PTGDR: variants seen among roughly 807,000 people sequenced by gnomAD.
PTGDR encodes the protein PGD2 receptor.
PTGDR carries 19 observed loss-of-function variants against 17.4 expected under a neutral mutation model. The observed-to-expected ratio is 1.09, with a 90% CI of 0.76 to 1.60. PTGDR has a LOEUF of 1.60. Ranked by LOEUF, PTGDR falls within the 40% of genes most tolerant of loss-of-function variation. The pLI is 0.00. For missense variants in PTGDR, 526 were observed against 481.9 expected (o/e 1.09, Z -0.86); for synonymous variants, 267 against 224.2 (o/e 1.19, Z -1.71).
Position 52,267,755 on chromosome 14 carries a change from CG to C in PTGDR, c.-57del. 2 of 1,488,770 alleles carry C rather than the reference CG, an allele frequency of 1.3e-6. No homozygotes were observed. Among genetic ancestry groups the C allele is most frequent in the Non-Finnish European group, 8.9e-7 (1 of 1,123,222 alleles). The allele number at this position is 1,488,770 out of a possible 1,614,324, so 92.2% of individuals were successfully genotyped here. On this transcript the variant is annotated 5_prime_UTR_variant, in exon 1 of 2. Coordinates refer to ENST00000306051, the MANE Select transcript of PTGDR (RefSeq NM_000953.3). ...GAGCTGCCGGGGGCTCCTTAGCACC[CG>C]GGCGCCGGGGCCCTCGCCCTTCCGC... is the stretch of plus-strand genomic sequence containing the variant.
downstream of PTGDR, among the ~76,000 whole-genome samples, chr14:52,277,011 T>C (rs1437561): frequency 0.56 from 84,647 of 152,010 alleles, 24,241 homozygotes; most frequent in Middle Eastern, 0.73. Flanking sequence ...GGATGAAGTC[T>C]GTGTTGAGTT....
At chr14:52,277,857 CAAAA>C (rs549271970), downstream of PTGDR, among the ~76,000 whole-genome samples, 2 of 151,718 alleles carry the variant, frequency 1.3e-5, no homozygotes, top group East Asian at 3.9e-4. Context: ...CTACACAAAA[CAAAA>C]AAAGAAAAGA....
At chr14:52,269,349 G>C (rs2033281647) in intron 1 of PTGDR, 2 of 965,024 alleles carry the variant, frequency 2.1e-6, no homozygotes, top group Admixed American at 2.0e-5. Context: ...GACGGGTTTT[G>C]AGTGTATCTT....
chr14:52,278,161 T>G (rs2033451430), downstream of PTGDR, among the ~76,000 whole-genome samples: 1 of 152,206 alleles, frequency 6.6e-6, no homozygotes, highest in Non-Finnish European at 1.5e-5. Flanking sequence ...TAAAAACACA[T>G]GCACACGTAT....
intron 1 of PTGDR, among the ~76,000 whole-genome samples, chr14:52,274,528 C>A (rs892312516): frequency 5.3e-5 from 8 of 152,188 alleles, no homozygotes; most frequent in Admixed American, 5.2e-4. Flanking sequence ...TCCTTCCCAC[C>A]TCCCAGGTCT....
At chr14:52,269,077 C>T (rs1007021053) in intron 1 of PTGDR, among the ~76,000 whole-genome samples, 4 of 152,266 alleles carry the variant, frequency 2.6e-5, no homozygotes, top group Admixed American at 2.6e-4. Flanking sequence ...GTTAGACCTG[C>T]TCATGACTTC....
downstream of PTGDR, among the ~76,000 whole-genome samples, chr14:52,277,149 A>T (rs923828685): frequency 1.3e-5 from 2 of 152,256 alleles, no homozygotes; most frequent in Non-Finnish European, 2.9e-5. Context: ...ATCATGGTTC[A>T]TGAGTTGCTC....
intron 1 of PTGDR, among the ~76,000 whole-genome samples, chr14:52,271,401 A>G (rs1012860335): frequency 1.1e-4 from 17 of 152,302 alleles, no homozygotes; most frequent in Admixed American, 9.2e-4. Context: ...AATGACCCAG[A>G]TGGCTTTTAT....
intron 1 of PTGDR, 82 bp from the exon 2 acceptor site, chr14:52,274,649 A>T: frequency 8.3e-7 from 1 of 1,204,378 alleles, no homozygotes. Flanking sequence ...TCATGTTCTT[A>T]CAGTAACTTA....
At chr14:52,279,698 A>G (rs563217727), downstream of PTGDR, among the ~76,000 whole-genome samples, 8 of 152,254 alleles carry the variant, frequency 5.3e-5, no homozygotes, top group Admixed American at 1.3e-4. Context: ...AGATATTTTT[A>G]TACAAACTGC....
intron 1 of PTGDR, among the ~76,000 whole-genome samples, chr14:52,273,391 T>C (rs1260691962): frequency 1.3e-5 from 2 of 152,224 alleles, no homozygotes; most frequent in Non-Finnish European, 2.9e-5. Context: ...CTTCCGATTG[T>C]ATCAAACTGG....
intron 1 of PTGDR, among the ~76,000 whole-genome samples, chr14:52,270,134 T>C (rs1435337386): frequency 6.6e-6 from 1 of 152,236 alleles, no homozygotes; most frequent in Non-Finnish European, 1.5e-5. Context: ...AATGAATCTC[T>C]GCAATCAATT....
At position 52,268,057 on chromosome 14, in the gene PTGDR, G is replaced by A; in HGVS notation, c.243G>A (p.Pro81=). 6.2e-7 allele frequency: 1 copy of A among 1,612,778 alleles called. No homozygotes were observed. Among genetic ancestry groups the A allele is most frequent in the Non-Finnish European group, 8.5e-7 (1 of 1,180,036 alleles). Residue 81 remains proline (P), a synonymous_variant, in exon 1 of 2, where the codon CCG becomes CCA. Transcript: ENST00000306051. ...TDLLGKCLLS[P]VVLAAYAQNR... ...TGCTGGGCAAGTGCCTCCTAAGCCC[G>A]GTGGTGCTGGCTGCCTACGCTCAGA...
chr14:52,269,393 G>A lies in PTGDR; in HGVS notation c.846+733G>A. On this transcript the variant is annotated intron_variant, in intron 1 of 1. Coordinates refer to ENST00000306051, the MANE Select transcript of PTGDR (RefSeq NM_000953.3). ...AGGTGACATGAAAGCCATTATCTCC[G>A]GTTTCAATTTGGTAATGAGGATAGC... is the stretch of plus-strand genomic sequence containing the variant. 4 of 1,358,290 alleles carry A rather than the reference G, an allele frequency of 2.9e-6. No homozygotes were observed. In the South Asian group the frequency reaches 3.7e-5, roughly 13 times the overall value. The allele number at this position is 1,358,290 out of a possible 1,614,324, so 84.1% of individuals were successfully genotyped here.
At chr14:52,268,727 G>C in intron 1 of PTGDR, 67 bp downstream of exon 1, 1 of 1,483,642 alleles carries the variant, frequency 6.7e-7, no homozygotes, top group Non-Finnish European at 9.0e-7. Context: ...GGGCGGGAAG[G>C]GTGGAGCGGA....
Position 52,267,863 on chromosome 14 carries a change from G to GA in PTGDR, c.49_50insA (p.Gly17GlufsTer275). 1 of 1,599,134 alleles carries GA rather than the reference G, an allele frequency of 6.3e-7. No homozygotes were observed. The highest frequency in any genetic ancestry group is 8.5e-7 in the Non-Finnish European group (1 of 1,172,056). ...CCAGAACACCACCTCTGTGGAAAAA[G>GA]GCAACTCGGCGGTGATGGGCGGGGT... On this transcript the variant is annotated frameshift_variant, in exon 1 of 2. Coordinates refer to ENST00000306051, the MANE Select transcript of PTGDR (RefSeq NM_000953.3). LOFTEE classifies it high-confidence loss of function.
rs12895027 is a variant in PTGDR, at chr14:52,275,926, C to G, written c.*962C>G. The G allele has an allele frequency of 2.0e-5, 3 of 152,604 alleles. No individual in the cohort carries two copies. Among genetic ancestry groups the G allele is most frequent in the African/African-American group, 7.2e-5 (3 of 41,502 alleles). 9.5% of individuals were successfully genotyped at this position (152,604 alleles called of 1,614,324 possible). A position where few individuals can be genotyped will look rare whatever the true frequency, so the allele number is the denominator to read the frequency against. On this transcript the variant is annotated 3_prime_UTR_variant, in exon 2 of 2. Coordinates refer to ENST00000306051, the MANE Select transcript of PTGDR (RefSeq NM_000953.3). Reference sequence around the variant, plus strand: ...CCACCCAGGACTTAGCCTCAGTTGACGATAGTAACAATGGCCTTAACATCT... The same window carrying G: ...CCACCCAGGACTTAGCCTCAGTTGAGGATAGTAACAATGGCCTTAACATCT...
intron 1 of PTGDR, among the ~76,000 whole-genome samples, chr14:52,271,396 C>A (rs2033321039): frequency 6.6e-6 from 1 of 152,046 alleles, no homozygotes; most frequent in Admixed American, 6.5e-5. Context: ...TTATTAATGA[C>A]CCAGATGGCT....
rs2033253226 is a variant in PTGDR, at chr14:52,268,368, T to C, written c.554T>C (p.Ile185Thr). ...VQYCPGTWCF[I>T]QMVHEEGSLS... Reference sequence around the variant, plus strand: ...TACTGCCCCGGCACCTGGTGCTTTATCCAGATGGTCCACGAGGAGGGCTCG... The same window carrying C: ...TACTGCCCCGGCACCTGGTGCTTTACCCAGATGGTCCACGAGGAGGGCTCG... Residue 185 changes from isoleucine to threonine, a missense_variant, in exon 1 of 2, where the codon ATC becomes ACC. Coordinates refer to ENST00000306051, the MANE Select transcript of PTGDR (RefSeq NM_000953.3). 4 of 1,612,760 alleles carry C rather than the reference T, an allele frequency of 2.5e-6. No homozygotes were observed. Among genetic ancestry groups the C allele is most frequent in the Non-Finnish European group, 3.4e-6 (4 of 1,180,034 alleles).
Sources: allele counts gnomAD v4.1 joint callset (sites outside exome capture counted in the v4.1 genomes callset), GRCh38; gene constraint gnomAD v4.1.1; transcripts MANE v1.5; gene names NCBI Gene and HGNC (gene_info 2026-07-23, HGNC 2026-07-21).